ENTPD1: variants seen among roughly 807,000 people sequenced by gnomAD.
The protein encoded by ENTPD1 is ATP diphosphohydrolase.
ENTPD1 carries 33 observed loss-of-function variants against 57.0 expected under a neutral mutation model. The observed-to-expected ratio is 0.58, with a 90% CI of 0.44 to 0.77. The LOEUF (loss-of-function observed/expected upper bound fraction) is 0.77, where lower values mean the gene tolerates loss of function less well. ENTPD1 is among the 30% of genes least tolerant of loss of function. ENTPD1 has a pLI of 0.00. For missense variants in ENTPD1, 501 were observed against 603.4 expected (o/e 0.83, Z 1.78); for synonymous variants, 202 against 218.8 (o/e 0.92, Z 0.68).
chr10:95,789,972 T>C (rs1429449187), intron 1 of ENTPD1, among the ~76,000 whole-genome samples: 3 of 152,240 alleles, frequency 2.0e-5, no homozygotes, highest in African/African-American at 7.2e-5. Flanking sequence ...ATTTTGAGTA[T>C]TTTTCATTGT....
intron 1 of ENTPD1, among the ~76,000 whole-genome samples, chr10:95,771,954 CA>C (rs1449814050): frequency 3.3e-5 from 5 of 152,190 alleles, no homozygotes; most frequent in Admixed American, 2.6e-4. Flanking sequence ...CAGACCGCTA[CA>C]AAGGAAGTAA....
intron 1 of ENTPD1, among the ~76,000 whole-genome samples, chr10:95,730,741 AC>A (rs1357823643): frequency 6.6e-6 from 1 of 152,212 alleles, no homozygotes; most frequent in Non-Finnish European, 1.5e-5. Context: ...ACACAATGAA[AC>A]AAAAATAGTG....
chr10:95,798,484 C>G (rs199984671), intron 1 of ENTPD1, among the ~76,000 whole-genome samples: 11 of 152,094 alleles, frequency 7.2e-5, no homozygotes, highest in Non-Finnish European at 1.6e-4. Flanking sequence ...GATGTGGCTT[C>G]ACCCCACCCA....
chr10:95,798,679 G>T (rs2098236554), intron 1 of ENTPD1, among the ~76,000 whole-genome samples: 1 of 152,086 alleles, frequency 6.6e-6, no homozygotes, highest in Admixed American at 6.6e-5. Flanking sequence ...CAGAGTCTTT[G>T]GGTTTTTAGG....
intron 1 of ENTPD1, among the ~76,000 whole-genome samples, chr10:95,786,536 A>G (rs981391470): frequency 6.6e-6 from 1 of 152,150 alleles, no homozygotes; most frequent in African/African-American, 2.4e-5. Context: ...TCTGAGACTA[A>G]TGTTGTTCCC....
At chr10:95,709,573 G>A (rs1439297128), upstream of ENTPD1, among the ~76,000 whole-genome samples, 1 of 151,644 alleles carries the variant, frequency 6.6e-6, no homozygotes, top group African/African-American at 2.4e-5. Context: ...TAGTAGAGAC[G>A]AAGTTTCACC....
chr10:95,814,079 G>A (rs2098320635), intron 1 of ENTPD1, among the ~76,000 whole-genome samples: 1 of 152,208 alleles, frequency 6.6e-6, no homozygotes, highest in African/African-American at 2.4e-5. Context: ...TGCGCTTATT[G>A]CTGAGGCCAT....
intron 1 of ENTPD1, among the ~76,000 whole-genome samples, chr10:95,819,339 T>C (rs192104030): frequency 4.5e-4 from 68 of 151,912 alleles, no homozygotes; most frequent in African/African-American, 1.4e-3. Context: ...AATTTTTGTA[T>C]TTTTTTTGTA....
chr10:95,787,026 C>T (rs1252796228), intron 1 of ENTPD1, among the ~76,000 whole-genome samples: 1 of 152,160 alleles, frequency 6.6e-6, no homozygotes, highest in African/African-American at 2.4e-5. Flanking sequence ...TACTCAAGAT[C>T]CCAGAGCTAG....
chr10:95,799,180 AG>A (rs987253172), intron 1 of ENTPD1, among the ~76,000 whole-genome samples: 4 of 152,202 alleles, frequency 2.6e-5, no homozygotes, highest in Non-Finnish European at 4.4e-5. Flanking sequence ...GTACATGTGC[AG>A]GTCTGTTATA....
At chr10:95,789,203 C>A (rs2140250217) in intron 1 of ENTPD1, among the ~76,000 whole-genome samples, 1 of 152,116 alleles carries the variant, frequency 6.6e-6, no homozygotes, top group African/African-American at 2.4e-5. Flanking sequence ...TTATTGAGAG[C>A]CCTTGACTTT....
At chr10:95,805,329 T>G (rs957578278) in intron 1 of ENTPD1, among the ~76,000 whole-genome samples, 13 of 152,202 alleles carry the variant, frequency 8.5e-5, no homozygotes, top group Admixed American at 1.3e-4. Flanking sequence ...TTTTTTTGCT[T>G]TCCATTTGCT....
At position 95,875,948 on chromosome 10, in the gene ENTPD1, A is replaced by G; in HGVS notation, c.*9565A>G. On this transcript the variant is annotated 3_prime_UTR_variant, in exon 10 of 10. Coordinates refer to ENST00000371205, the MANE Select transcript of ENTPD1 (RefSeq NM_001776.6). ...AATTCAAGTTGAGATTTGGGTGGGG[A>G]CACAGCCAAACCATATCAATGATTT... 1.0e-6 allele frequency: 1 copy of G among 985,156 alleles called. No individual in the cohort carries two copies. The highest frequency in any genetic ancestry group is 1.2e-6 in the Non-Finnish European group (1 of 829,668). The allele number at this position is 985,156 out of a possible 1,614,324, so 61.0% of individuals were successfully genotyped here.
intron 1 of ENTPD1, among the ~76,000 whole-genome samples, chr10:95,712,252 A>C (rs1166509395): frequency 1.3e-5 from 2 of 152,206 alleles, no homozygotes; most frequent in African/African-American, 4.8e-5. Flanking sequence ...AGGATGCCAT[A>C]GGGTAGGACA....
chr10:95,728,916 A>C lies in ENTPD1; in HGVS notation c.37+16923A>C, dbSNP rs575339412. 5.3e-5 allele frequency among the ~76,000 whole-genome samples: 8 copies of C among 152,238 alleles called. No individual in the cohort carries two copies. In the East Asian group the frequency reaches 1.4e-3, roughly 26 times the overall value. Reference sequence around the variant, plus strand: ...TTTGTGTAAGTTTTGATAAATTTTAACTTTTTATAATAGAGTTACATATAT... The same window carrying C: ...TTTGTGTAAGTTTTGATAAATTTTACCTTTTTATAATAGAGTTACATATAT... On this transcript the variant is annotated intron_variant, in intron 1 of 9. Transcript: ENST00000453258.
At chr10:95,860,620 G>A (rs772283669) in intron 8 of ENTPD1, 38 bp downstream of exon 8, 13 of 1,563,174 alleles carry the variant, frequency 8.3e-6, no homozygotes, top group East Asian at 2.3e-5. Flanking sequence ...CAGCATGAGT[G>A]CCCTGTGTCG....
chr10:95,806,972 C>T (rs909906010), intron 1 of ENTPD1, among the ~76,000 whole-genome samples: 2 of 152,180 alleles, frequency 1.3e-5, no homozygotes, highest in African/African-American at 4.8e-5. Flanking sequence ...GGTCAGGGAC[C>T]CACTTGAGGG....
intron 1 of ENTPD1, among the ~76,000 whole-genome samples, chr10:95,764,718 A>ATTTTTTTTTTTTTTTTTTTT (rs34082135): frequency 9.7e-6 from 1 of 103,568 alleles, no homozygotes; most frequent in Non-Finnish European, 1.8e-5. Flanking sequence ...TCCTTTGCCC[A>ATTTTTTTTTTTTTTTTTTTT]TTTTTTTTTT....
At chr10:95,862,758 A>C (rs2098467447) in intron 8 of ENTPD1, among the ~76,000 whole-genome samples, 1 of 152,208 alleles carries the variant, frequency 6.6e-6, no homozygotes, top group Non-Finnish European at 1.5e-5. Flanking sequence ...GGTCAGCCCA[A>C]GTGAACAATG....
Sources: gnomAD v4.1 joint callset for allele counts (sites outside exome capture counted in the v4.1 genomes callset) on GRCh38, gnomAD v4.1.1 for gene constraint, MANE v1.5 for transcripts, NCBI Gene and HGNC (gene_info 2026-07-23, HGNC 2026-07-21) for gene names.